Variants in CALB2 observed in about 807,000 individuals in gnomAD.
The protein encoded by CALB2 is calbindin 2, also known as calretinin.
Under a neutral mutation model 45.9 loss-of-function variants are expected in CALB2, and 34 were observed. That is an observed-to-expected ratio of 0.74 (90% CI 0.56 to 0.99). CALB2 has a LOEUF of 0.99. Ranked by LOEUF, CALB2 falls within the 50% of genes least tolerant of loss-of-function variation. The pLI, the probability that CALB2 is intolerant of heterozygous loss-of-function variation, is 0.00. For synonymous variants in CALB2, 142 were observed against 129.6 expected, an observed-to-expected ratio of 1.10 and a Z score of -0.65; for missense variants, 344 against 339.3, an observed-to-expected ratio of 1.01 and a Z score of -0.11.
In CALB2 at chr16:71,384,829, A is replaced by C; in HGVS notation, c.620A>C (p.Tyr207Ser). The change falls in exon 9 of 11, where the codon TAC becomes TCC. Residue 207 changes from tyrosine (Y) to serine (S), a missense_variant. Transcript: ENST00000302628. ...GAGTTTAACGCGATCTTCACATTTT[A>C]CGACAAGGTAAGAGAGGGAGTTGGC... ...SEEFNAIFTFYDKDRSGYIDE... is the reference protein window; with the variant it reads ...SEEFNAIFTFSDKDRSGYIDE... 2 of 1,612,468 alleles carry C rather than the reference A, an allele frequency of 1.2e-6. No homozygotes were observed. Among genetic ancestry groups the C allele is most frequent in the Non-Finnish European group, 1.7e-6 (2 of 1,179,114 alleles).
chr16:71,359,937 G>A (rs1230192168), intron 1 of CALB2, among the ~76,000 whole-genome samples: 3 of 152,232 alleles, frequency 2.0e-5, no homozygotes, highest in Admixed American at 6.5e-5. Context: ...ACCCCAAAGG[G>A]AGGCCAACGG....
chr16:71,378,526 C>A (rs1010045448), intron 4 of CALB2, among the ~76,000 whole-genome samples: 2 of 152,068 alleles, frequency 1.3e-5, no homozygotes, highest in Non-Finnish European at 2.9e-5. Flanking sequence ...GGCCACAGAG[C>A]AAGACCCTAT....
chr16:71,374,722 C>T (rs1220311494), intron 2 of CALB2, 23 bp from the exon 3 acceptor site: 1 of 1,535,616 alleles, frequency 6.5e-7, no homozygotes, highest in Non-Finnish European at 9.0e-7. Context: ...CAGCAAAAAT[C>T]AGCCCCCTTT....
chr16:71,363,232 G>A (rs925691196), intron 1 of CALB2, among the ~76,000 whole-genome samples: 4 of 152,206 alleles, frequency 2.6e-5, no homozygotes, highest in Non-Finnish European at 5.9e-5. Context: ...AGAAAACAAT[G>A]TGATAGACAC....
intron 6 of CALB2, among the ~76,000 whole-genome samples, 184 bp from the exon 7 acceptor site, chr16:71,383,786 C>T (rs2042529771): frequency 6.6e-6 from 1 of 152,068 alleles, no homozygotes; most frequent in Non-Finnish European, 1.5e-5. Context: ...TGAACGAGTC[C>T]CTGTGGTCCA....
At position 71,367,219 on chromosome 16, in the gene CALB2, C is replaced by T. The variant is rs529703070; in HGVS notation, c.95-4934C>T. On this transcript the variant is annotated intron_variant, in intron 1 of 10. Coordinates refer to ENST00000302628, the MANE Select transcript of CALB2 (RefSeq NM_001740.5). Reference sequence around the variant, plus strand: ...GATGCAGGGTCTCTGGCTCTCACTTCGGCTCTGCTCCCTCATGTTCACAGG... The same window carrying T: ...GATGCAGGGTCTCTGGCTCTCACTTTGGCTCTGCTCCCTCATGTTCACAGG... 2.5e-4 allele frequency among the ~76,000 whole-genome samples: 38 copies of T among 152,298 alleles called. No individual in the cohort carries two copies. In the South Asian group the frequency reaches 6.6e-3, roughly 27 times the overall value.
chr16:71,367,229 C>G (rs548352666), intron 1 of CALB2, among the ~76,000 whole-genome samples: 4 of 152,268 alleles, frequency 2.6e-5, no homozygotes, highest in African/African-American at 9.6e-5. Flanking sequence ...CGGCTCTGCT[C>G]CCTCATGTTC....
At chr16:71,389,448 G>A (rs368288745) in intron 10 of CALB2, 16 of 527,420 alleles carry the variant, frequency 3.0e-5, no homozygotes, top group African/African-American at 1.9e-4. Context: ...ATTCCCTCAC[G>A]TAATCATCGC....
intron 5 of CALB2, 104 bp from the exon 6 acceptor site, chr16:71,383,263 C>A (rs1000226297): frequency 4.0e-5 from 29 of 732,944 alleles, no homozygotes; most frequent in African/African-American, 1.8e-4. Context: ...ACCTGAAAAA[C>A]ACACACACAC....
chr16:71,369,631 GC>G (rs2042324546), intron 1 of CALB2, among the ~76,000 whole-genome samples: 1 of 152,106 alleles, frequency 6.6e-6, no homozygotes, highest in African/African-American at 2.4e-5. Flanking sequence ...GGCTCCTGTG[GC>G]CTCTGCTTCA....
At chr16:71,388,334 C>CAAA (rs71153632) in intron 10 of CALB2, among the ~76,000 whole-genome samples, 40 of 103,384 alleles carry the variant, frequency 3.9e-4, no homozygotes, top group Non-Finnish European at 5.1e-4. Flanking sequence ...GACCTTATCT[C>CAAA]AAAAAAAAAA....
At chr16:71,389,200 AT>A (rs1411616056) in intron 10 of CALB2, among the ~76,000 whole-genome samples, 1 of 152,084 alleles carries the variant, frequency 6.6e-6, no homozygotes, top group African/African-American at 2.4e-5. Flanking sequence ...AATAAAAAAA[AT>A]AAAAAAAATT....
At chr16:71,365,980 G>A (rs11644378) in intron 1 of CALB2, among the ~76,000 whole-genome samples, 25,439 of 139,768 alleles carry the variant, frequency 0.18, 3,034 homozygotes, top group Non-Finnish European at 0.27. Flanking sequence ...CTGAGAACCA[G>A]TATTCTTTTT....
intron 1 of CALB2, 48 bp from the exon 2 acceptor site, chr16:71,372,105 C>T (rs1263697478): frequency 7.5e-7 from 1 of 1,325,554 alleles, no homozygotes; most frequent in South Asian, 1.2e-5. Context: ...CCCCGTGCCC[C>T]CCTTACTATT....
intron 1 of CALB2, among the ~76,000 whole-genome samples, chr16:71,371,807 C>G (rs2042354601): frequency 6.6e-6 from 1 of 152,232 alleles, no homozygotes; most frequent in African/African-American, 2.4e-5. Flanking sequence ...CTGCCTCTGA[C>G]CAGGTCCCGC....
chr16:71,359,616 G>T (rs2042218139), intron 1 of CALB2, among the ~76,000 whole-genome samples: 1 of 152,162 alleles, frequency 6.6e-6, no homozygotes, highest in Non-Finnish European at 1.5e-5. Context: ...CCTCTGCTCT[G>T]TGTGGTCTTG....
In CALB2 at chr16:71,383,459, G is replaced by C; in HGVS notation, c.477+15G>C. 7 of 1,612,822 alleles carry C rather than the reference G, an allele frequency of 4.3e-6. No individual in the cohort carries two copies. The highest frequency in any genetic ancestry group is 5.1e-6 in the Non-Finnish European group (6 of 1,178,946). On this transcript the variant is annotated intron_variant, in intron 6 of 10. Transcript: ENST00000302628. ...CCCAAACCATAGTGAGTGAACAGAAGTGTCCCTCTCCCCCAGGGTGCAGGA... is the reference window on the plus strand; with the variant it reads ...CCCAAACCATAGTGAGTGAACAGAACTGTCCCTCTCCCCCAGGGTGCAGGA...
At chr16:71,374,874 G>T (rs1387307484) in intron 3 of CALB2, 40 bp downstream of exon 3, 3 of 1,399,268 alleles carry the variant, frequency 2.1e-6, no homozygotes, top group African/African-American at 1.4e-5. Flanking sequence ...TGTGGGAGGG[G>T]CCCTGGGTCC....
At chr16:71,386,203 G>C (rs916362052) in intron 10 of CALB2, among the ~76,000 whole-genome samples, 6 of 152,222 alleles carry the variant, frequency 3.9e-5, no homozygotes, top group Non-Finnish European at 8.8e-5. Context: ...GAATAATGCT[G>C]CATCGTATAA....
Sources: gnomAD v4.1 joint callset for allele counts (sites outside exome capture counted in the v4.1 genomes callset) on GRCh38, gnomAD v4.1.1 for gene constraint, MANE v1.5 for transcripts, NCBI Gene and HGNC (gene_info 2026-07-23, HGNC 2026-07-21) for gene names.